The following C12orf42 variants were observed in gnomAD, a reference collection of about 807,000 sequenced individuals.
The protein encoded by C12orf42 is uncharacterized protein C12orf42.
A neutral mutation model predicts 21.6 loss-of-function variants in C12orf42; 25 were observed. The ratio of observed to expected loss-of-function variants is 1.16; its 90% CI spans 0.84 to 1.62. C12orf42 has a LOEUF of 1.62. C12orf42 is among the 40% of genes most tolerant of loss of function. C12orf42 has a pLI of 0.00. For missense variants in C12orf42, 483 were observed against 459.3 expected, an observed-to-expected ratio of 1.05 and a Z score of -0.47; for synonymous variants, 174 against 175.0, an observed-to-expected ratio of 0.99 and a Z score of 0.05.
intron 4 of C12orf42, among the ~76,000 whole-genome samples, chr12:103,344,504 C>G (rs574075685): frequency 6.6e-6 from 1 of 152,282 alleles, no homozygotes; most frequent in African/African-American, 2.4e-5. Flanking sequence ...GACATGTCAG[C>G]CCCTACTTTG....
At chr12:103,435,028 T>C (rs2139414454) in intron 2 of C12orf42, among the ~76,000 whole-genome samples, 1 of 152,228 alleles carries the variant, frequency 6.6e-6, no homozygotes, top group Non-Finnish European at 1.5e-5. Flanking sequence ...AGAGCAGTGG[T>C]TCTCCCAGCA....
At chr12:103,427,444 A>G (rs985841641) in intron 2 of C12orf42, among the ~76,000 whole-genome samples, 2 of 152,076 alleles carry the variant, frequency 1.3e-5, no homozygotes, top group African/African-American at 4.8e-5. Context: ...TTAAATATAT[A>G]TGCACCCAGT....
the C12orf42 span, among the ~76,000 whole-genome samples, chr12:103,524,089 T>A: frequency 6.6e-6 from 1 of 152,168 alleles, no homozygotes; most frequent in African/African-American, 2.4e-5. Flanking sequence ...CTTAAGTGGG[T>A]TTAAGGTGTA....
At chr12:103,342,577 T>C (rs2042255393) in intron 4 of C12orf42, among the ~76,000 whole-genome samples, 1 of 151,932 alleles carries the variant, frequency 6.6e-6, no homozygotes, top group Non-Finnish European at 1.5e-5. Context: ...AGCCTGTAAG[T>C]TAGAAAACAC....
intron 4 of C12orf42, among the ~76,000 whole-genome samples, chr12:103,277,741 T>G (rs1459051135): frequency 6.6e-6 from 1 of 151,838 alleles, no homozygotes; most frequent in Non-Finnish European, 1.5e-5. Context: ...TGCCTCAACC[T>G]CCTCAGCAGC....
chr12:103,331,739 C>T (rs2041255112), intron 4 of C12orf42, among the ~76,000 whole-genome samples: 1 of 152,102 alleles, frequency 6.6e-6, no homozygotes, highest in African/African-American at 2.4e-5. Context: ...AGCGCGGCAG[C>T]CGGACACAGG....
chr12:103,120,007 G>C, the C12orf42 span, among the ~76,000 whole-genome samples: 1 of 152,340 alleles, frequency 6.6e-6, no homozygotes, highest in Admixed American at 6.5e-5. Flanking sequence ...CACAGCACTG[G>C]AGGCTGGGGA....
At chr12:103,195,721 C>T in the C12orf42 span, among the ~76,000 whole-genome samples, 9 of 151,962 alleles carry the variant, frequency 5.9e-5, no homozygotes, top group East Asian at 1.7e-3. Flanking sequence ...AATATTTTTT[C>T]CTATTCTGTA....
the C12orf42 span, among the ~76,000 whole-genome samples, chr12:103,049,591 C>T: frequency 2.0e-5 from 3 of 152,312 alleles, no homozygotes; most frequent in African/African-American, 7.2e-5. Context: ...AATCTCCCAA[C>T]GTTTTCTCTT....
chr12:103,159,093 G>A, the C12orf42 span, among the ~76,000 whole-genome samples: 1 of 152,070 alleles, frequency 6.6e-6, no homozygotes, highest in African/African-American at 2.4e-5. Context: ...AAACCCTCCT[G>A]GTATAGAAAG....
At chr12:103,084,352 T>C in the C12orf42 span, among the ~76,000 whole-genome samples, 1 of 152,192 alleles carries the variant, frequency 6.6e-6, no homozygotes, top group Non-Finnish European at 1.5e-5. Context: ...TGTTTTCAGC[T>C]GGGGACTGCT....
At chr12:103,423,436 C>T (rs1207566930) in intron 2 of C12orf42, among the ~76,000 whole-genome samples, 2 of 152,216 alleles carry the variant, frequency 1.3e-5, no homozygotes, top group Non-Finnish European at 2.9e-5. Context: ...ATGGAAACTG[C>T]AGATTCTATC....
chr12:103,478,534 G>A, intron 1 of C12orf42, 87 bp from the exon 2 acceptor site: 4 of 539,566 alleles, frequency 7.4e-6, no homozygotes, highest in Non-Finnish European at 1.2e-5. Flanking sequence ...TTAAGAGCCA[G>A]AATCATCCTA....
the C12orf42 span, among the ~76,000 whole-genome samples, chr12:103,550,874 C>A: frequency 6.6e-6 from 1 of 151,836 alleles, no homozygotes; most frequent in Non-Finnish European, 1.5e-5. Flanking sequence ...GGATATTAGC[C>A]CTTGTTATAT....
intron 4 of C12orf42, among the ~76,000 whole-genome samples, chr12:103,342,266 AG>A (rs1298336769): frequency 6.6e-6 from 1 of 152,182 alleles, no homozygotes; most frequent in Non-Finnish European, 1.5e-5. Flanking sequence ...AACAACTAAA[AG>A]CTGTAGAGAT....
At chr12:103,548,088 T>C in the C12orf42 span, among the ~76,000 whole-genome samples, 1 of 152,356 alleles carries the variant, frequency 6.6e-6, no homozygotes, top group African/African-American at 2.4e-5. Flanking sequence ...GAATTGACAC[T>C]GGGCTCTGGC....
At chr12:103,088,947 CA>C in the C12orf42 span, among the ~76,000 whole-genome samples, 1 of 151,702 alleles carries the variant, frequency 6.6e-6, no homozygotes, top group Admixed American at 6.6e-5. Context: ...ACTAAAAATA[CA>C]AAAAATCAGC....
chr12:103,399,672 T>G (rs1156516988), intron 3 of C12orf42, among the ~76,000 whole-genome samples: 1 of 152,156 alleles, frequency 6.6e-6, no homozygotes, highest in African/African-American at 2.4e-5. Context: ...ATTATTTATC[T>G]GATAATTTCC....
intron 1 of C12orf42, 136 bp from the exon 2 acceptor site, chr12:103,478,583 A>ATTTTTTTTTT (rs3065865): frequency 3.8e-6 from 1 of 266,346 alleles, no homozygotes; most frequent in Non-Finnish European, 6.8e-6. Flanking sequence ...ACTTTCAATA[A>ATTTTTTTTTT]TTTTTTTTTT....
Sources: gnomAD v4.1 joint callset for allele counts (sites outside exome capture counted in the v4.1 genomes callset) on GRCh38, gnomAD v4.1.1 for gene constraint, MANE v1.5 for transcripts, NCBI Gene and HGNC (gene_info 2026-07-23, HGNC 2026-07-21) for gene names.